The following EVI5 variants were observed in gnomAD, a reference collection of about 807,000 sequenced individuals.
EVI5 encodes ecotropic viral integration site 5.
A neutral mutation model predicts 112.0 loss-of-function variants in EVI5; 73 were observed. The observed-to-expected ratio is 0.65, with a 90% CI of 0.54 to 0.79. EVI5 has a LOEUF of 0.79. EVI5 is among the 30% of genes least tolerant of loss of function. The pLI is 0.00. For synonymous variants in EVI5, 305 were observed against 319.9 expected, an observed-to-expected ratio of 0.95 and a Z score of 0.50; for missense variants, 900 against 968.8, an observed-to-expected ratio of 0.93 and a Z score of 0.94.
chr1:92,661,618 C>A (rs1385824023), intron 13 of EVI5, among the ~76,000 whole-genome samples: 1 of 151,718 alleles, frequency 6.6e-6, no homozygotes, highest in East Asian at 1.9e-4. Flanking sequence ...AAAAGTGGAG[C>A]AAAATATGAG....
chr1:92,734,908 A>T (rs1169586095), intron 2 of EVI5, among the ~76,000 whole-genome samples: 1 of 152,338 alleles, frequency 6.6e-6, no homozygotes, highest in East Asian at 1.9e-4. Context: ...AAACCAACAG[A>T]GAAATGCAAA....
chr1:92,525,103 C>T (rs536286149), intron 19 of EVI5, among the ~76,000 whole-genome samples: 1 of 152,234 alleles, frequency 6.6e-6, no homozygotes, highest in South Asian at 2.1e-4. Flanking sequence ...GCTGGGATTA[C>T]ACGCAGGAAT....
rs780991778 is a variant in EVI5, at chr1:92,694,315, A to G, written c.983T>C (p.Met328Thr). ...TGAACTTACCTGTAACATCCCTTCC[A>G]TGTCAAGTTGCATCAGTTCTGCCTG... ...MNQAELMQLD[M>T]EGMLQHFQKV... The change falls in exon 8 of 20, where the codon ATG becomes ACG. Residue 328 changes from methionine (M) to threonine (T), a missense_variant. Physicochemically the swap from Met to Thr is moderately conservative, Grantham distance 81. Transcript: ENST00000684568. The G allele has an allele frequency of 6.3e-7, 1 of 1,586,170 alleles. No homozygotes were observed. The highest frequency in any genetic ancestry group is 2.2e-5 in the East Asian group (1 of 44,738).
intron 7 of EVI5, among the ~76,000 whole-genome samples, chr1:92,694,874 T>A (rs1006068880): frequency 6.6e-6 from 1 of 152,234 alleles, no homozygotes; most frequent in Non-Finnish European, 1.5e-5. Flanking sequence ...AATGTGTTCA[T>A]AGAAGAAACA....
chr1:92,676,913 T>A (rs1666837859), intron 10 of EVI5, among the ~76,000 whole-genome samples: 1 of 152,208 alleles, frequency 6.6e-6, no homozygotes, highest in African/African-American at 2.4e-5. Flanking sequence ...TTCTTCTCCA[T>A]GGAAGTGTTT....
chr1:92,734,029 G>A (rs575594335), intron 2 of EVI5, among the ~76,000 whole-genome samples: 3 of 152,322 alleles, frequency 2.0e-5, no homozygotes, highest in African/African-American at 7.2e-5. Flanking sequence ...CTTTAAGCAA[G>A]TTATATGGCC....
chr1:92,677,921 G>C (rs1667002282), intron 9 of EVI5, among the ~76,000 whole-genome samples: 1 of 152,154 alleles, frequency 6.6e-6, no homozygotes, highest in Non-Finnish European at 1.5e-5. Context: ...CCCCTGTTAA[G>C]ATGTACTGAG....
At chr1:92,772,419 A>G (rs1416309764) in intron 1 of EVI5, among the ~76,000 whole-genome samples, 2 of 151,212 alleles carry the variant, frequency 1.3e-5, no homozygotes, top group South Asian at 2.1e-4. Flanking sequence ...ACACAGTGAA[A>G]CCCTGATTCT....
chr1:92,689,879 G>A (rs1270334831), intron 9 of EVI5, among the ~76,000 whole-genome samples: 2 of 152,042 alleles, frequency 1.3e-5, no homozygotes, highest in East Asian at 1.9e-4. Flanking sequence ...TAATTAAAGG[G>A]AATAATAAAG....
chr1:92,714,000 C>T (rs1673233398), intron 2 of EVI5: 1 of 980,902 alleles, frequency 1.0e-6, no homozygotes. Context: ...GACTTACCTC[C>T]ATAAATTCAT....
rs1677479104 is a variant in EVI5, at chr1:92,736,595, G to A, written c.-49C>T. The A allele has an allele frequency of 6.2e-7, 1 of 1,613,816 alleles. No individual in the cohort carries two copies. The highest frequency in any genetic ancestry group is 1.3e-5 in the African/African-American group (1 of 74,912). The stretch of plus-strand genomic sequence containing the variant: ...TGTTCTTCACCCATGAGAGAGTAGA[G>A]CTCAGCTTTTCTGCAACTTTGTCTG... On this transcript the variant is annotated 5_prime_UTR_variant, in exon 2 of 20. Transcript: ENST00000684568.
At chr1:92,722,680 A>G (rs926077702) in intron 2 of EVI5, among the ~76,000 whole-genome samples, 1 of 151,778 alleles carries the variant, frequency 6.6e-6, no homozygotes, top group Non-Finnish European at 1.5e-5. Flanking sequence ...ACAACCTAAC[A>G]CTCCACTTTG....
At chr1:92,552,390 C>T (rs1022709707) in intron 19 of EVI5, among the ~76,000 whole-genome samples, 4 of 152,116 alleles carry the variant, frequency 2.6e-5, no homozygotes, top group Admixed American at 2.0e-4. Context: ...GTGTTATCTC[C>T]CATTTCTGAA....
At chr1:92,644,292 C>A (rs1660531302) in intron 13 of EVI5, among the ~76,000 whole-genome samples, 1 of 152,088 alleles carries the variant, frequency 6.6e-6, no homozygotes, top group South Asian at 2.1e-4. Context: ...GTCCAGTTGA[C>A]AAGAAATACA....
intron 18 of EVI5, among the ~76,000 whole-genome samples, chr1:92,586,606 C>T (rs866666879): frequency 4.1e-4 from 30 of 72,730 alleles, no homozygotes; most frequent in Middle Eastern, 9.6e-3. Flanking sequence ...TTTTTTTTGG[C>T]TGTGTGTGTG....
chr1:92,775,456 G>T (rs1402601553), intron 1 of EVI5, among the ~76,000 whole-genome samples: 1 of 151,754 alleles, frequency 6.6e-6, no homozygotes, highest in Non-Finnish European at 1.5e-5. Flanking sequence ...GTGGTCTCAT[G>T]AGATTATAAT....
At chr1:92,789,600 C>A (rs1570990362), upstream of EVI5, among the ~76,000 whole-genome samples, 1 of 152,280 alleles carries the variant, frequency 6.6e-6, no homozygotes, top group African/African-American at 2.4e-5. Flanking sequence ...CCGCGCCTGG[C>A]CTTCAGATAG....
chr1:92,729,826 G>A lies in EVI5; in HGVS notation c.149+6572C>T, dbSNP rs138440602. 7.0e-4 allele frequency among the ~76,000 whole-genome samples: 106 copies of A among 152,258 alleles called. 1 individual carries two copies. The highest frequency in any genetic ancestry group is 2.5e-3 in the African/African-American group (104 of 41,548). On this transcript the variant is annotated intron_variant, in intron 2 of 19. Transcript: ENST00000684568. The stretch of plus-strand genomic sequence containing the variant: ...CTGCAAATGCAGAACTTGTGGATAT[G>A]GAGCGCAGACTGTATCACAAACAAA...
chr1:92,600,439 AT>A (rs1323795124), intron 18 of EVI5, among the ~76,000 whole-genome samples: 1 of 152,204 alleles, frequency 6.6e-6, no homozygotes, highest in African/African-American at 2.4e-5. Context: ...ATGTTTCATA[AT>A]TTTTAAATTA....
Sources: allele counts gnomAD v4.1 joint callset (sites outside exome capture counted in the v4.1 genomes callset), GRCh38; gene constraint gnomAD v4.1.1; transcripts MANE v1.5; gene names NCBI Gene and HGNC (gene_info 2026-07-23, HGNC 2026-07-21).